Variants in CSTB observed in about 807,000 individuals in gnomAD.
CSTB encodes cystatin B.
Under a neutral mutation model 7.6 loss-of-function variants are expected in CSTB, and 8 were observed. That is an observed-to-expected ratio of 1.05 (90% CI 0.62 to 1.89). The LOEUF (loss-of-function observed/expected upper bound fraction) is 1.89, where lower values mean the gene tolerates loss of function less well. CSTB is among the 40% of genes most tolerant of loss of function. CSTB has a pLI of 0.00. For synonymous variants in CSTB, 56 were observed against 55.3 expected (o/e 1.01, Z -0.06); for missense variants, 124 against 126.4 (o/e 0.98, Z 0.09).
At chr21:43,774,458 C>A in intron 2 of CSTB, 128 bp from the exon 3 acceptor site, 1 of 1,462,592 alleles carries the variant, frequency 6.8e-7, no homozygotes. Context: ...CCTCACATCC[C>A]ACACTTGTTT....
At chr21:43,775,559 G>A (rs1217134569) in intron 1 of CSTB, 2 of 152,852 alleles carry the variant, frequency 1.3e-5, no homozygotes, top group South Asian at 2.1e-4. Context: ...AAAGAAACCT[G>A]TGGACCTTTT....
chr21:43,774,515 C>T (rs1256552200), intron 2 of CSTB, 143 bp downstream of exon 2: 36 of 1,134,886 alleles, frequency 3.2e-5, no homozygotes, highest in Middle Eastern at 5.5e-4. Flanking sequence ...CCTGAAAGGC[C>T]GATGGACACA....
At chr21:43,774,421 TGTC>T (rs2084000181) in intron 2 of CSTB, 91 bp from the exon 3 acceptor site, 5 of 1,593,390 alleles carry the variant, frequency 3.1e-6, no homozygotes. Context: ...AAGACAATCT[TGTC>T]TTCTCCTGCA....
At position 43,774,707 on chromosome 21, in the gene CSTB, G is replaced by A. The variant is rs1409443033; in HGVS notation, c.119C>T (p.Ala40Val). The A allele has an allele frequency of 6.2e-7, 1 of 1,614,168 alleles. No homozygotes were observed. Among genetic ancestry groups the A allele is most frequent in the African/African-American group, 1.3e-5 (1 of 75,046 alleles). The change falls in exon 2 of 3, where the codon GCC (alanine) becomes GTC (valine). Residue 40 changes from alanine (A) to valine (V), a missense_variant. By Grantham distance (64) the Ala-to-Val change is moderately conservative. Transcript: ENST00000291568. ...KENKKFPVFK[A>V]VSFKSQVVAG... is the part of the protein sequence containing the mutation. Reference sequence around the variant, plus strand: ...GACCACCTGGCTCTTGAATGACACGGCCTTAAACACAGGGAACTTCTTGTT... The same window carrying A: ...GACCACCTGGCTCTTGAATGACACGACCTTAAACACAGGGAACTTCTTGTT...
At chr21:43,776,173 C>G (rs1274457994) in intron 1 of CSTB, 31 bp downstream of exon 1, 1 of 1,520,422 alleles carries the variant, frequency 6.6e-7, no homozygotes, top group Non-Finnish European at 8.8e-7. Context: ...GGCAGGACTC[C>G]GGGCCGGCCC....
At position 43,773,992 on chromosome 21, in the gene CSTB, GTAAT is replaced by G. The variant is rs1174072070; in HGVS notation, c.*206_*209del. ...TATCTATTTTGAAAATATTCTGAAA[GTAAT>G]TAAGATCACCTATTGGGAAGGAAAG... On this transcript the variant is annotated 3_prime_UTR_variant, in exon 3 of 3. Transcript: ENST00000291568. The G allele has an allele frequency of 1.1e-5, 7 of 620,324 alleles. No homozygotes were observed. The highest frequency in any genetic ancestry group is 8.7e-5 in the Admixed American group (3 of 34,574). The allele number at this position is 620,324 out of a possible 1,614,324, so 38.4% of individuals were successfully genotyped here.
intron 2 of CSTB, 92 bp downstream of exon 2, chr21:43,774,566 C>A (rs1455794205): frequency 2.4e-6 from 3 of 1,262,424 alleles, no homozygotes; most frequent in Non-Finnish European, 3.5e-6. Flanking sequence ...CACAGGGCGC[C>A]CCAGCACCTA....
At chr21:43,774,381 G>A (rs776559952) in intron 2 of CSTB, 51 bp from the exon 3 acceptor site, 1 of 1,613,516 alleles carries the variant, frequency 6.2e-7, no homozygotes, top group Non-Finnish European at 8.5e-7. Context: ...TCACCTTGCT[G>A]CGCCCCTCCA....
Position 43,774,223 on chromosome 21 carries a change from A to T in CSTB, c.276T>A (p.His92Gln). 6.2e-7 allele frequency: 1 copy of T among 1,614,214 alleles called. No homozygotes were observed. Among genetic ancestry groups the T allele is most frequent in the Non-Finnish European group, 8.5e-7 (1 of 1,180,030 alleles). ...AGGATCAGAAATAGGTCAGCTCATCATGCTTGGCTTTGTTGGTCTGGTAGT... is the reference window on the plus strand; with the variant it reads ...AGGATCAGAAATAGGTCAGCTCATCTTGCTTGGCTTTGTTGGTCTGGTAGT... Reference protein sequence around the residue: ...LSNYQTNKAKHDELTYF With the variant: ...LSNYQTNKAKQDELTYF The change falls in exon 3 of 3, where the codon CAT becomes CAA. Residue 92 changes from histidine (H) to glutamine (Q), a missense_variant. Physicochemically the swap from His to Gln is conservative, Grantham distance 24. Coordinates refer to ENST00000291568, the MANE Select transcript of CSTB (RefSeq NM_000100.4).
chr21:43,774,984 G>C (rs1399671735), intron 1 of CSTB: 2 of 584,186 alleles, frequency 3.4e-6, no homozygotes, highest in African/African-American at 3.7e-5. Context: ...AGAACTTTGG[G>C]AGGCTGAGGT....
chr21:43,774,521 A>T, intron 2 of CSTB, 137 bp downstream of exon 2: 1 of 1,122,822 alleles, frequency 8.9e-7, no homozygotes, highest in Non-Finnish European at 1.3e-6. Context: ...AGGCCGATGG[A>T]CACACACAGT....
At chr21:43,775,738 T>G (rs151330776) in intron 1 of CSTB, 186 of 156,670 alleles carry the variant, frequency 1.2e-3, no homozygotes, top group Middle Eastern at 9.1e-3. Flanking sequence ...CACTTCCTTG[T>G]AAAATCCACT....
At chr21:43,774,839 GCA>G (rs2049045522) in intron 1 of CSTB, 80 bp from the exon 2 acceptor site, 1 of 960,576 alleles carries the variant, frequency 1.0e-6, no homozygotes, top group Non-Finnish European at 1.7e-6. Context: ...ACGCATGTGA[GCA>G]CACACACGAT....
chr21:43,776,014 C>G, intron 1 of CSTB, 190 bp downstream of exon 1: 2 of 494,968 alleles, frequency 4.0e-6, no homozygotes, highest in East Asian at 7.3e-5. Context: ...CAGCGGCGCC[C>G]CAGGCGCGGC....
In CSTB at chr21:43,774,028, A is replaced by C; in HGVS notation, c.*174T>G. The C allele has an allele frequency of 1.4e-6, 1 of 724,654 alleles. No homozygotes were observed. Among genetic ancestry groups the C allele is most frequent in the Non-Finnish European group, 2.4e-6 (1 of 415,786 alleles). The allele number at this position is 724,654 out of a possible 1,614,324, so 44.9% of individuals were successfully genotyped here. On this transcript the variant is annotated 3_prime_UTR_variant, in exon 3 of 3. Coordinates refer to ENST00000291568, the MANE Select transcript of CSTB (RefSeq NM_000100.4). ...CACCTATTGGGAAGGAAAGAAATCA[A>C]CACAATGAAATTTAGGAAGAGAAAT...
At chr21:43,774,600 C>T (rs1050309565) in intron 2 of CSTB, 58 bp downstream of exon 2, 4 of 1,468,110 alleles carry the variant, frequency 2.7e-6, no homozygotes, top group East Asian at 2.3e-5. Context: ...CGGGCCTGCA[C>T]AGGCGGTTTC....
intron 1 of CSTB, 37 bp downstream of exon 1, chr21:43,776,167 G>A: frequency 6.6e-7 from 1 of 1,514,938 alleles, no homozygotes; most frequent in East Asian, 2.5e-5. Context: ...GGCTAAGGCA[G>A]GACTCCGGGC....
chr21:43,775,499 C>T (rs2084005617), intron 1 of CSTB: 1 of 154,264 alleles, frequency 6.5e-6, no homozygotes, highest in South Asian at 2.0e-4. Context: ...TGTGTTTTAA[C>T]TTTTTATTTA....
At chr21:43,774,503 C>T in intron 2 of CSTB, 155 bp downstream of exon 2, 1 of 1,197,620 alleles carries the variant, frequency 8.3e-7, no homozygotes, top group Non-Finnish European at 1.2e-6. Flanking sequence ...AGCCCTAGTC[C>T]TCCTGAAAGG....
Sources: allele counts gnomAD v4.1 joint callset, GRCh38; gene constraint gnomAD v4.1.1; transcripts MANE v1.5; gene names NCBI Gene and HGNC (gene_info 2026-07-23, HGNC 2026-07-21).